The following PEAK1 variants were observed in gnomAD, a reference collection of about 807,000 sequenced individuals.
The protein encoded by PEAK1 is inactive tyrosine-protein kinase PEAK1.
Under a neutral mutation model 124.7 loss-of-function variants are expected in PEAK1, and 54 were observed. The ratio of observed to expected loss-of-function variants is 0.43; its 90% CI spans 0.35 to 0.54. The LOEUF (loss-of-function observed/expected upper bound fraction) is 0.54. PEAK1 is among the 20% of genes least tolerant of loss of function. The pLI, the probability that PEAK1 is intolerant of heterozygous loss-of-function variation, is 0.01. For missense variants in PEAK1, 2,046 were observed against 2,134.5 expected, an observed-to-expected ratio of 0.96 and a Z score of 0.82; for synonymous variants, 719 against 760.0, an observed-to-expected ratio of 0.95 and a Z score of 0.89.
chr15:77,290,753 C>T (rs1339845410), intron 2 of PEAK1, among the ~76,000 whole-genome samples: 1 of 152,032 alleles, frequency 6.6e-6, no homozygotes, highest in Non-Finnish European at 1.5e-5. Context: ...GGGGTTTTGC[C>T]TTGTTACCCA....
intron 9 of PEAK1, among the ~76,000 whole-genome samples, chr15:77,116,984 T>C (rs532485971): frequency 6.6e-6 from 1 of 152,370 alleles, no homozygotes; most frequent in South Asian, 2.1e-4. Flanking sequence ...TAACATTTGT[T>C]ATTTTTGTAA....
chr15:77,261,510 G>C (rs1278735640), intron 5 of PEAK1, among the ~76,000 whole-genome samples: 4 of 152,132 alleles, frequency 2.6e-5, no homozygotes, highest in Non-Finnish European at 4.4e-5. Flanking sequence ...TCAACTGGAA[G>C]AAAGGGTATC....
In PEAK1 at chr15:77,392,270, G is replaced by T. The variant is rs150141690; in HGVS notation, c.-665-27045C>A. Among the ~76,000 whole-genome samples, 138 of 152,322 alleles carry T rather than the reference G, an allele frequency of 9.1e-4. 3 individuals are homozygous for T. In the East Asian group the frequency reaches 0.024, roughly 26 times the overall value. ...ACACTAAACAATATTCATCACAGTT[G>T]TTCACTCTGAATGGTGTGGCCAAAG... is the stretch of plus-strand genomic sequence containing the variant. On this transcript the variant is annotated intron_variant, in intron 1 of 9. Transcript: ENST00000682557.
rs772513301 is a variant in PEAK1, at chr15:77,115,179, C to A, written c.4218G>T (p.Glu1406Asp). 1.2e-6 allele frequency: 2 copies of A among 1,614,168 alleles called. No individual in the cohort carries two copies. The highest frequency in any genetic ancestry group is 1.7e-6 in the Non-Finnish European group (2 of 1,180,034). The change falls in exon 10 of 10, where the codon GAG (glutamate) becomes GAT (aspartate). Residue 1406 changes from glutamate (E) to aspartate (D), a missense_variant. By Grantham distance (45) the Glu-to-Asp change is conservative. Coordinates refer to ENST00000682557, the MANE Select transcript of PEAK1 (RefSeq NM_001385026.1). ...CATCCTTTTCAGGGTCATCTGGATC[C>A]TCCCAGGGAAGCAGACGGTTAGGGA... ...AEVPNRLLPW[E>D]DPDDPEKDED...
At chr15:77,255,987 T>C (rs1187652817) in intron 5 of PEAK1, among the ~76,000 whole-genome samples, 1 of 152,134 alleles carries the variant, frequency 6.6e-6, no homozygotes, top group African/African-American at 2.4e-5. Flanking sequence ...GAAGCTATTG[T>C]CTCAAGATTG....
intron 5 of PEAK1, among the ~76,000 whole-genome samples, chr15:77,283,270 T>A (rs1196584105): frequency 1.3e-5 from 2 of 152,220 alleles, no homozygotes; most frequent in Non-Finnish European, 2.9e-5. Flanking sequence ...ATTAGAACCA[T>A]CTGGGAGATC....
chr15:77,282,156 CACAT>C (rs1185567013), intron 5 of PEAK1, among the ~76,000 whole-genome samples: 1 of 152,112 alleles, frequency 6.6e-6, no homozygotes, highest in African/African-American at 2.4e-5. Flanking sequence ...CCCAAATATA[CACAT>C]ACATACATAT....
chr15:77,262,624 C>CTACAAAGAGACG (rs983798040), intron 5 of PEAK1, among the ~76,000 whole-genome samples: 25 of 150,760 alleles, frequency 1.7e-4, no homozygotes, highest in Non-Finnish European at 3.2e-4. Context: ...CCTTAGAGAC[C>CTACAAAGAGACG]TACAAAGAGA....
At chr15:77,270,849 T>C (rs571351623) in intron 5 of PEAK1, among the ~76,000 whole-genome samples, 6 of 151,982 alleles carry the variant, frequency 3.9e-5, no homozygotes, top group Non-Finnish European at 8.8e-5. Flanking sequence ...TTTTATTTCG[T>C]TGAGCAGGAT....
At chr15:77,106,001 G>C (rs2050747285), downstream of PEAK1, 1 of 152,240 alleles carries the variant, frequency 6.6e-6, no homozygotes, top group Non-Finnish European at 1.5e-5. Flanking sequence ...TTACACCAAA[G>C]GACAAAGTGA....
chr15:77,349,634 A>T, intron 2 of PEAK1: 3 of 984,822 alleles, frequency 3.0e-6, no homozygotes, highest in Non-Finnish European at 3.6e-6. Context: ...ATCATTAATG[A>T]CTCTAATATT....
intron 2 of PEAK1, among the ~76,000 whole-genome samples, chr15:77,340,102 T>C (rs2066436728): frequency 6.6e-6 from 1 of 152,232 alleles, no homozygotes; most frequent in African/African-American, 2.4e-5. Flanking sequence ...AAGTTGAACT[T>C]AGTCTCACTG....
chr15:77,131,479 G>A (rs1386813431), intron 9 of PEAK1, among the ~76,000 whole-genome samples: 1 of 151,908 alleles, frequency 6.6e-6, no homozygotes, highest in Non-Finnish European at 1.5e-5. Context: ...GCAACAGAGT[G>A]AGACTCCATC....
intron 1 of PEAK1, among the ~76,000 whole-genome samples, chr15:77,408,266 T>C (rs1389686935): frequency 6.6e-6 from 1 of 151,866 alleles, no homozygotes; most frequent in Admixed American, 6.6e-5. Context: ...GAGACCATTA[T>C]TCTAAGTGAA....
At chr15:77,235,213 G>C (rs1198240881) in intron 6 of PEAK1, among the ~76,000 whole-genome samples, 2 of 151,984 alleles carry the variant, frequency 1.3e-5, no homozygotes, top group Non-Finnish European at 2.9e-5. Flanking sequence ...GGTCACAGGG[G>C]ACTGCTGTAA....
At chr15:77,385,921 A>T (rs2069891320) in intron 1 of PEAK1, among the ~76,000 whole-genome samples, 1 of 152,202 alleles carries the variant, frequency 6.6e-6, no homozygotes, top group Non-Finnish European at 1.5e-5. Flanking sequence ...TGAGTCAGAT[A>T]AACCTGGTTT....
At chr15:77,328,662 A>G (rs895441433) in intron 2 of PEAK1, among the ~76,000 whole-genome samples, 5 of 152,186 alleles carry the variant, frequency 3.3e-5, no homozygotes, top group African/African-American at 9.6e-5. Context: ...TTACATGACA[A>G]TGTTGGGATT....
At chr15:77,310,502 C>T (rs575889070) in intron 2 of PEAK1, among the ~76,000 whole-genome samples, 10 of 152,268 alleles carry the variant, frequency 6.6e-5, no homozygotes, top group African/African-American at 2.4e-4. Flanking sequence ...ACCTAGGGTG[C>T]TGACAAGAGC....
chr15:77,285,466 T>C (rs1209890279), intron 3 of PEAK1, among the ~76,000 whole-genome samples: 2 of 152,162 alleles, frequency 1.3e-5, no homozygotes, highest in African/African-American at 4.8e-5. Flanking sequence ...ACTTCAATAA[T>C]CAGCAGTTGC....
Sources: gnomAD v4.1 joint callset for allele counts (sites outside exome capture counted in the v4.1 genomes callset) on GRCh38, gnomAD v4.1.1 for gene constraint, MANE v1.5 for transcripts, NCBI Gene and HGNC (gene_info 2026-07-23, HGNC 2026-07-21) for gene names.